Variants in ACSBG2 observed in about 807,000 individuals in gnomAD.
ACSBG2 encodes the protein long-chain-fatty-acid--CoA ligase ACSBG2.
Under a neutral mutation model 74.7 loss-of-function variants are expected in ACSBG2, and 62 were observed. The observed-to-expected ratio is 0.83, with a 90% CI of 0.68 to 1.03. ACSBG2 has a LOEUF of 1.03. Ranked by LOEUF, ACSBG2 falls within the 50% of genes least tolerant of loss-of-function variation. The pLI, the probability that ACSBG2 is intolerant of heterozygous loss-of-function variation, is 0.00. For synonymous variants in ACSBG2, 309 were observed against 294.1 expected (o/e 1.05, Z -0.52); for missense variants, 730 against 817.6 (o/e 0.89, Z 1.31).
At chr19:6,142,752 CAAA>C (rs34759552) in intron 2 of ACSBG2, among the ~76,000 whole-genome samples, 1 of 115,902 alleles carries the variant, frequency 8.6e-6, no homozygotes. Context: ...GACTCTGTCT[CAAA>C]AAAAAAAAAA....
rs541925086 is a variant in ACSBG2 at position 6,153,444 on chromosome 19, T to A, written c.386+1649T>A. 7.1e-4 allele frequency among the ~76,000 whole-genome samples: 108 copies of A among 152,192 alleles called. 1 individual carries two copies. Among genetic ancestry groups the A allele is most frequent in the African/African-American group, 2.4e-3 (99 of 41,538 alleles). ...TTAAGTGTCTTCCCCAGAATCATGC[T>A]GTGGTTGGATAAAGACCCTGAGATC... On this transcript the variant is annotated intron_variant, in intron 4 of 14. Coordinates refer to ENST00000588485, the MANE Select transcript of ACSBG2 (RefSeq NM_030924.5).
At chr19:6,176,632 C>T (rs1259583156) in intron 7 of ACSBG2, among the ~76,000 whole-genome samples, 1 of 151,664 alleles carries the variant, frequency 6.6e-6, no homozygotes, top group African/African-American at 2.4e-5. Flanking sequence ...GACCTAGGGC[C>T]CCCACTTCAT....
intron 4 of ACSBG2, among the ~76,000 whole-genome samples, chr19:6,153,883 G>GGAAAA (rs61597807): frequency 2.7e-5 from 2 of 73,926 alleles, no homozygotes; most frequent in East Asian, 6.7e-4. Context: ...GAAAAGAAAA[G>GGAAAA]GAAAAGAAAA....
At chr19:6,164,621 T>TG (rs2089738572) in intron 6 of ACSBG2, among the ~76,000 whole-genome samples, 1 of 152,034 alleles carries the variant, frequency 6.6e-6, no homozygotes, top group South Asian at 2.1e-4. Context: ...TTAGTAGAGA[T>TG]GGGGTTTCAC....
chr19:6,149,969 G>T (rs1172456000), intron 3 of ACSBG2, among the ~76,000 whole-genome samples: 1 of 151,966 alleles, frequency 6.6e-6, no homozygotes, highest in African/African-American at 2.4e-5. Context: ...ACTCAGTGGA[G>T]CAGGCCCATA....
At chr19:6,192,630 A>G (rs2090595501) in intron 14 of ACSBG2, 38 bp from the exon 15 acceptor site, 1 of 152,162 alleles carries the variant, frequency 6.6e-6, no homozygotes, top group African/African-American at 2.4e-5. Flanking sequence ...ATATTACGAG[A>G]ATCCCCATGT....
At chr19:6,158,996 C>A (rs932798384) in intron 5 of ACSBG2, among the ~76,000 whole-genome samples, 1 of 151,188 alleles carries the variant, frequency 6.6e-6, no homozygotes, top group Admixed American at 6.6e-5. Flanking sequence ...CTCACTTTGT[C>A]GTCCAGTCTG....
chr19:6,149,073 C>G (rs961133433), intron 3 of ACSBG2, among the ~76,000 whole-genome samples: 11 of 152,144 alleles, frequency 7.2e-5, no homozygotes, highest in Admixed American at 2.0e-4. Flanking sequence ...TGCCACTGCA[C>G]TCCAGCCTGG....
rs183340077 is a variant in ACSBG2 at position 6,149,382 on chromosome 19, G to A, written c.297+1707G>A. 1.2e-3 allele frequency among the ~76,000 whole-genome samples: 180 copies of A among 152,138 alleles called. 1 individual carries two copies. Among genetic ancestry groups the A allele is most frequent in the Middle Eastern group, 3.4e-3 (1 of 294 alleles). On this transcript the variant is annotated intron_variant, in intron 3 of 14. Transcript: ENST00000588485. ...CCGTATGACTAAAAGAGCCAACAACGTTGGTTGGCAGTACCCAGAACAAAG... is the reference window on the plus strand; with the variant it reads ...CCGTATGACTAAAAGAGCCAACAACATTGGTTGGCAGTACCCAGAACAAAG...
At chr19:6,139,951 C>T (rs531062904) in intron 1 of ACSBG2, among the ~76,000 whole-genome samples, 6 of 151,638 alleles carry the variant, frequency 4.0e-5, no homozygotes, top group East Asian at 3.9e-4. Flanking sequence ...AGGCTGGGTG[C>T]GGTGGCTCAC....
intron 1 of ACSBG2, 117 bp from the exon 2 acceptor site, chr19:6,141,396 G>T (rs2088825675): frequency 3.1e-6 from 2 of 637,932 alleles, no homozygotes; most frequent in East Asian, 2.7e-5. Context: ...CCCAGGACAG[G>T]CATGACCAAT....
rs772981239 is a variant in ACSBG2 at position 6,182,955 on chromosome 19, T to A, written c.1088+23T>A. The A allele has an allele frequency of 1.9e-6, 3 of 1,613,234 alleles. No individual in the cohort carries two copies. The South Asian group carries it at 3.3e-5, about 18-fold the overall frequency. On this transcript the variant is annotated intron_variant, in intron 9 of 14. Coordinates refer to ENST00000588485, the MANE Select transcript of ACSBG2 (RefSeq NM_030924.5). ...GGGGTAGGTGGAGCATCCAGAGGGC[T>A]GGGAGGGTAGTTGGTGAGGAGGCTC... is the stretch of plus-strand genomic sequence containing the variant.
intron 7 of ACSBG2, among the ~76,000 whole-genome samples, chr19:6,176,652 C>G (rs2090096324): frequency 6.6e-6 from 1 of 151,792 alleles, no homozygotes; most frequent in South Asian, 2.1e-4. Context: ...TCCTCTTGGG[C>G]AGCCCAGATG....
intron 3 of ACSBG2, among the ~76,000 whole-genome samples, chr19:6,151,082 C>T (rs1057143460): frequency 6.7e-6 from 1 of 150,020 alleles, no homozygotes; most frequent in Non-Finnish European, 1.5e-5. Flanking sequence ...CTGCTGGACT[C>T]CAGCCTTGGC....
chr19:6,138,525 A>C, intron 1 of ACSBG2, among the ~76,000 whole-genome samples: 1 of 121,758 alleles, frequency 8.2e-6, no homozygotes, highest in South Asian at 3.2e-4. Context: ...GGAAGGAGGA[A>C]AAGGAAGGAA....
chr19:6,161,347 A>G (rs1387758108), intron 6 of ACSBG2, 52 bp downstream of exon 6: 3 of 1,562,662 alleles, frequency 1.9e-6, no homozygotes, highest in Non-Finnish European at 2.6e-6. Flanking sequence ...GCCTTGCAAG[A>G]AAAGTGGGCG....
intron 7 of ACSBG2, among the ~76,000 whole-genome samples, chr19:6,166,287 TGTGTG>T (rs2089804572): frequency 7.8e-6 from 1 of 128,124 alleles, no homozygotes; most frequent in Admixed American, 7.8e-5. Flanking sequence ...AGGTTGTGTG[TGTGTG>T]TGTGTGTGTG....
chr19:6,141,403 C>T (rs2088826511), intron 1 of ACSBG2, 110 bp from the exon 2 acceptor site: 1 of 648,724 alleles, frequency 1.5e-6, no homozygotes, highest in East Asian at 2.7e-5. Context: ...CAGGCATGAC[C>T]AATGGATCCT....
Position 6,180,521 on chromosome 19 carries a change from T to C in ACSBG2, c.907-2230T>C, listed in dbSNP as rs1396572933. Among the ~76,000 whole-genome samples, 1 of 152,206 alleles carries C rather than the reference T, an allele frequency of 6.6e-6. No homozygotes were observed. The highest frequency in any genetic ancestry group is 1.5e-5 in the Non-Finnish European group (1 of 68,044). ...GGCTGAATACATAATACATACACAT[T>C]TACCTACAGGACCTGAGAAGTTCCC... On this transcript the variant is annotated intron_variant, in intron 8 of 14. Coordinates refer to ENST00000588485, the MANE Select transcript of ACSBG2 (RefSeq NM_030924.5). The surrounding 1 kb of genome is among the most constrained non-coding windows in gnomAD (Gnocchi z 4.3).
Sources: allele counts gnomAD v4.1 joint callset (sites outside exome capture counted in the v4.1 genomes callset), GRCh38; gene constraint gnomAD v4.1.1; non-coding constraint Gnocchi (gnomAD v3.1); transcripts MANE v1.5; gene names NCBI Gene and HGNC (gene_info 2026-07-23, HGNC 2026-07-21).